Variants in SLIT3 observed in about 807,000 individuals in gnomAD.
The protein encoded by SLIT3 is slit homolog 3 protein.
SLIT3 carries 68 observed loss-of-function variants against 184.0 expected under a neutral mutation model. The ratio of observed to expected loss-of-function variants is 0.37; its 90% confidence interval spans 0.30 to 0.45. The LOEUF (loss-of-function observed/expected upper bound fraction) is 0.45, where lower values mean the gene tolerates loss of function less well. Ranked by LOEUF, SLIT3 falls within the 20% of genes least tolerant of loss-of-function variation. SLIT3 has a pLI of 1.00. For synonymous variants in SLIT3, 831 were observed against 828.6 expected, an observed-to-expected ratio of 1.00 and a Z score of -0.05; for missense variants, 1,707 against 2,026.0, an observed-to-expected ratio of 0.84 and a Z score of 3.02.
intron 5 of SLIT3, among the ~76,000 whole-genome samples, chr5:168,858,562 C>G (rs988779191): frequency 6.6e-6 from 1 of 152,244 alleles, no homozygotes; most frequent in Non-Finnish European, 1.5e-5. Context: ...GCCCTGGACT[C>G]TATCCACAAA....
chr5:168,980,883 T>C (rs947890152), intron 4 of SLIT3, among the ~76,000 whole-genome samples: 1 of 152,186 alleles, frequency 6.6e-6, no homozygotes, highest in African/African-American at 2.4e-5. Flanking sequence ...ATGTTTACGA[T>C]GTAAAGTGAA....
intron 4 of SLIT3, among the ~76,000 whole-genome samples, chr5:168,962,941 C>T (rs113680725): frequency 9.6e-4 from 147 of 152,372 alleles, no homozygotes; most frequent in African/African-American, 3.5e-3. Context: ...TTCCCCATCA[C>T]TCCATCCAAA....
intron 1 of SLIT3, among the ~76,000 whole-genome samples, chr5:169,277,430 C>G (rs1372937431): frequency 1.3e-5 from 2 of 152,048 alleles, no homozygotes; most frequent in African/African-American, 4.8e-5. Flanking sequence ...GGGTTTCAGG[C>G]AGGTCCCATG....
chr5:169,263,181 CA>C (rs1766258109), intron 1 of SLIT3, among the ~76,000 whole-genome samples: 1 of 152,040 alleles, frequency 6.6e-6, no homozygotes, highest in African/African-American at 2.4e-5. Context: ...CCTATTTCTA[CA>C]AAAGAGAAAA....
At chr5:169,257,954 A>G (rs1361486138) in intron 1 of SLIT3, among the ~76,000 whole-genome samples, 1 of 152,140 alleles carries the variant, frequency 6.6e-6, no homozygotes, top group African/African-American at 2.4e-5. Context: ...ATAAAAGCTG[A>G]TATTTGCTGG....
rs2113521135 is a variant in SLIT3 at position 169,030,862 on chromosome 5, G to C, written c.414-147526C>G. On this transcript the variant is annotated intron_variant, in intron 4 of 35. Coordinates refer to ENST00000519560, the MANE Select transcript of SLIT3 (RefSeq NM_003062.4). ...CGGAAGTAGAACGTGGTATGGTTGG[G>C]AATAGAATACGGCTTTCTAATTTCT... 2.0e-5 allele frequency among the ~76,000 whole-genome samples: 3 copies of C among 152,274 alleles called. No homozygotes were observed. The East Asian group carries it at 5.8e-4, about 29-fold the overall frequency.
chr5:168,732,651 C>A (rs2113402472), intron 20 of SLIT3, among the ~76,000 whole-genome samples: 1 of 152,128 alleles, frequency 6.6e-6, no homozygotes, highest in Non-Finnish European at 1.5e-5. Context: ...GAACAGAGAA[C>A]CCAAAAATAA....
chr5:169,007,181 C>T (rs1246978101), intron 4 of SLIT3, among the ~76,000 whole-genome samples: 1 of 152,180 alleles, frequency 6.6e-6, no homozygotes, highest in Non-Finnish European at 1.5e-5. Context: ...CCTGCTTCCC[C>T]TTCTGCTATG....
intron 4 of SLIT3, among the ~76,000 whole-genome samples, chr5:169,010,941 A>C (rs1177665999): frequency 6.6e-6 from 1 of 151,234 alleles, no homozygotes; most frequent in Non-Finnish European, 1.5e-5. Context: ...TTATTTTTAG[A>C]GTGCTTTACA....
At chr5:169,076,137 T>G (rs1758731485) in intron 4 of SLIT3, among the ~76,000 whole-genome samples, 1 of 152,242 alleles carries the variant, frequency 6.6e-6, no homozygotes, top group South Asian at 2.1e-4. Context: ...GGCCTGGTGG[T>G]GACTCCTGTC....
rs957783841 is a variant in SLIT3 at position 168,917,047 on chromosome 5, C to A, written c.414-33711G>T. On this transcript the variant is annotated intron_variant, in intron 4 of 35. Coordinates refer to ENST00000519560, the MANE Select transcript of SLIT3 (RefSeq NM_003062.4). ...ACTAATATGTTCAGCTTCAGAGGTA[C>A]AAAGGAGACGGAAATAAATGAAGGG... Among the ~76,000 whole-genome samples, 6 of 152,252 alleles carry A rather than the reference C, an allele frequency of 3.9e-5. No homozygotes were observed. The East Asian group carries it at 1.2e-3, about 29-fold the overall frequency.
At chr5:169,076,857 C>T (rs1758762728) in intron 4 of SLIT3, among the ~76,000 whole-genome samples, 2 of 152,132 alleles carry the variant, frequency 1.3e-5, no homozygotes, top group Non-Finnish European at 2.9e-5. Context: ...GTTGATGAGA[C>T]TTGGGACAAC....
chr5:169,042,412 T>A (rs1757474918), intron 4 of SLIT3, among the ~76,000 whole-genome samples: 1 of 152,174 alleles, frequency 6.6e-6, no homozygotes, highest in Non-Finnish European at 1.5e-5. Flanking sequence ...CCAACTAATT[T>A]CAAAGGCTTC....
chr5:168,736,921 G>A (rs6890424), intron 20 of SLIT3, among the ~76,000 whole-genome samples: 90,284 of 152,090 alleles, frequency 0.59, 27,176 homozygotes, highest in East Asian at 0.73. Context: ...CAGTAGCTCC[G>A]GTTATCTCAC....
intron 16 of SLIT3, among the ~76,000 whole-genome samples, chr5:168,758,338 G>A (rs1004418823): frequency 2.0e-5 from 3 of 152,192 alleles, no homozygotes; most frequent in Non-Finnish European, 1.5e-5. Flanking sequence ...GGGAGAGTAC[G>A]TATTTCTTCG....
At chr5:169,247,213 C>T (rs1765622941) in intron 2 of SLIT3, among the ~76,000 whole-genome samples, 1 of 115,106 alleles carries the variant, frequency 8.7e-6, no homozygotes, top group Non-Finnish European at 1.7e-5. Flanking sequence ...AAGACTCTGT[C>T]TCAAAAAAAA....
At chr5:169,061,373 G>A (rs768146191) in intron 4 of SLIT3, among the ~76,000 whole-genome samples, 6 of 152,142 alleles carry the variant, frequency 3.9e-5, no homozygotes, top group Admixed American at 6.5e-5. Flanking sequence ...CAGAACCCAG[G>A]TTTGCTTGCC....
chr5:169,070,505 G>T (rs1011534019), intron 4 of SLIT3, among the ~76,000 whole-genome samples: 3 of 152,110 alleles, frequency 2.0e-5, no homozygotes, highest in Non-Finnish European at 2.9e-5. Context: ...AAAGCAAAAG[G>T]CAAACTTGAA....
chr5:168,862,311 G>T (rs954722610), intron 5 of SLIT3, among the ~76,000 whole-genome samples: 2 of 152,098 alleles, frequency 1.3e-5, no homozygotes, highest in Non-Finnish European at 2.9e-5. Context: ...CACCGCTAAA[G>T]AACTTGTTCA....
Sources: allele counts gnomAD v4.1 joint callset (sites outside exome capture counted in the v4.1 genomes callset), GRCh38; gene constraint gnomAD v4.1.1; transcripts MANE v1.5; gene names NCBI Gene and HGNC (gene_info 2026-07-23, HGNC 2026-07-21).